RHBDL2: variants seen among roughly 807,000 people sequenced by gnomAD.
The protein encoded by RHBDL2 is rhomboid-related protein 2.
A neutral mutation model predicts 31.7 loss-of-function variants in RHBDL2; 26 were observed. The observed-to-expected ratio is 0.82, with a 90% CI of 0.60 to 1.14. RHBDL2 has a LOEUF of 1.14. Ranked by LOEUF, RHBDL2 falls within the 50% of genes most tolerant of loss-of-function variation. The pLI is 0.00. For missense variants in RHBDL2, 336 were observed against 364.4 expected (o/e 0.92, Z 0.63); for synonymous variants, 123 against 127.2 (o/e 0.97, Z 0.22).
At chr1:38,902,753 A>T (rs571086858) in intron 4 of RHBDL2, among the ~76,000 whole-genome samples, 1 of 151,692 alleles carries the variant, frequency 6.6e-6, no homozygotes, top group Non-Finnish European at 1.5e-5. Context: ...GGGTTTAACC[A>T]TGTTGCCCAG....
intron 4 of RHBDL2, among the ~76,000 whole-genome samples, chr1:38,910,670 A>G (rs1643126380): frequency 6.6e-6 from 1 of 152,050 alleles, no homozygotes. Flanking sequence ...CTGACATATA[A>G]GGGCCTCCAT....
chr1:38,896,165 A>AT, intron 4 of RHBDL2, 96 bp from the exon 5 acceptor site: 1 of 867,088 alleles, frequency 1.2e-6, no homozygotes, highest in South Asian at 1.6e-5. Context: ...AGTCTGGTCT[A>AT]TTATCACATT....
intron 6 of RHBDL2, among the ~76,000 whole-genome samples, chr1:38,888,919 C>T (rs1016927373): frequency 5.3e-5 from 8 of 152,132 alleles, no homozygotes; most frequent in African/African-American, 1.7e-4. Context: ...TTTGTTTTAA[C>T]AAGACCTCCA....
chr1:38,941,017 C>G (rs1643554621), intron 1 of RHBDL2, among the ~76,000 whole-genome samples: 1 of 152,204 alleles, frequency 6.6e-6, no homozygotes, highest in Non-Finnish European at 1.5e-5. Context: ...TGCCCACCAG[C>G]TTGTAGATGA....
intron 2 of RHBDL2, among the ~76,000 whole-genome samples, chr1:38,916,451 G>A (rs2124334012): frequency 6.6e-6 from 1 of 152,302 alleles, no homozygotes; most frequent in South Asian, 2.1e-4. Flanking sequence ...GTGGGTACCA[G>A]AGGAACAGAA....
At position 38,919,304 on chromosome 1, in the gene RHBDL2, T is replaced by G; in HGVS notation, c.-92A>C. The G allele has an allele frequency of 6.2e-7, 1 of 1,606,700 alleles. No individual in the cohort carries two copies. The highest frequency in any genetic ancestry group is 8.5e-7 in the Non-Finnish European group (1 of 1,178,234). ...CTCAGGCTGCCGCTCTTCCCTGGGC[T>G]GTCTGGCGCAACGACTGCTTTCCAA... is the stretch of plus-strand genomic sequence containing the variant. On this transcript the variant is annotated 5_prime_UTR_variant, in exon 2 of 8. Coordinates refer to ENST00000372990, the MANE Select transcript of RHBDL2 (RefSeq NM_017821.5).
chr1:38,919,019 C>T lies in RHBDL2; in HGVS notation c.194G>A (p.Arg65Lys), dbSNP rs1186650352. The part of the protein sequence containing the change: ...PEKSRGTYLE[R>K]ANCFPPPVFI... ...CACGGGAGGCGGGAAGCAGTTAGCT[C>T]TCTCCAAGTATGTTCCTCGGGACTT... is the stretch of plus-strand genomic sequence containing the variant. Residue 65 changes from arginine to lysine, a missense_variant, in exon 2 of 8, where the codon AGA becomes AAA. Arg to Lys is a conservative substitution (Grantham distance 26). Transcript: ENST00000372990. 1 of 1,614,052 alleles carries T rather than the reference C, an allele frequency of 6.2e-7. No individual in the cohort carries two copies. Among genetic ancestry groups the T allele is most frequent in the East Asian group, 2.2e-5 (1 of 44,900 alleles).
intron 4 of RHBDL2, among the ~76,000 whole-genome samples, chr1:38,901,490 A>AAGAG (rs1309067756): frequency 6.6e-6 from 1 of 151,138 alleles, no homozygotes; most frequent in Non-Finnish European, 1.5e-5. Context: ...GAAAGAAAGA[A>AAGAG]AGAAGGAAAG....
intron 1 of RHBDL2, among the ~76,000 whole-genome samples, chr1:38,937,621 T>C (rs1445458477): frequency 6.6e-6 from 1 of 152,180 alleles, no homozygotes; most frequent in African/African-American, 2.4e-5. Flanking sequence ...ACACCCTCAC[T>C]GGGCACACTC....
chr1:38,911,528 T>C, intron 3 of RHBDL2, 94 bp from the exon 4 acceptor site: 3 of 804,744 alleles, frequency 3.7e-6, no homozygotes, highest in Non-Finnish European at 4.2e-6. Context: ...TTTCTCTAGT[T>C]AAGGATTTGC....
rs1643274380 is a variant in RHBDL2, at chr1:38,918,992, A to C, written c.221T>G (p.Phe74Cys). The C allele has an allele frequency of 6.2e-7, 1 of 1,613,742 alleles. No homozygotes were observed. Among genetic ancestry groups the C allele is most frequent in the African/African-American group, 1.3e-5 (1 of 74,900 alleles). The change falls in exon 2 of 8, where the codon TTC becomes TGC. Residue 74 changes from phenylalanine to cysteine, a missense_variant. By Grantham distance (205) the Phe-to-Cys change is radical. Transcript: ENST00000372990. ...ERANCFPPPV[F>C]IISISLAELA... Reference sequence around the variant, plus strand: ...CTCGGCCAGGCTGATGGAGATGATGAACACGGGAGGCGGGAAGCAGTTAGC... The same window carrying C: ...CTCGGCCAGGCTGATGGAGATGATGCACACGGGAGGCGGGAAGCAGTTAGC...
chr1:38,926,996 A>T (rs7545590), intron 1 of RHBDL2: 145,726 of 152,382 alleles, frequency 0.96, 69,695 homozygotes, highest in African/African-American at 0.97. Flanking sequence ...TTATTTTTTT[A>T]AAAATGTTTT....
intron 4 of RHBDL2, among the ~76,000 whole-genome samples, chr1:38,902,200 T>TC (rs1643000029): frequency 8.1e-6 from 1 of 124,016 alleles, no homozygotes; most frequent in African/African-American, 2.7e-5. Flanking sequence ...TTTTTCTTTT[T>TC]CTTTTTTTTT....
At chr1:38,902,494 A>T (rs1230975545) in intron 4 of RHBDL2, among the ~76,000 whole-genome samples, 5 of 148,634 alleles carry the variant, frequency 3.4e-5, no homozygotes, top group Non-Finnish European at 5.9e-5. Context: ...ATCTCAGGTC[A>T]CTGTAACCTC....
intron 3 of RHBDL2, among the ~76,000 whole-genome samples, chr1:38,914,035 T>C (rs1218834818): frequency 1.3e-5 from 2 of 151,466 alleles, no homozygotes; most frequent in East Asian, 3.9e-4. Context: ...GAGAATGGCT[T>C]AAACCAGGGA....
Position 38,915,691 on chromosome 1 carries a change from T to C in RHBDL2, c.266A>G (p.Tyr89Cys), listed in dbSNP as rs765256108. 8.1e-6 allele frequency: 13 copies of C among 1,614,094 alleles called. No individual in the cohort carries two copies. Among genetic ancestry groups the C allele is most frequent in the Admixed American group, 1.7e-5 (1 of 60,002 alleles). The part of the protein sequence containing the change: ...SLAELAVFIY[Y>C]AVWKPQKQWI... ...CTGTTTCTGAGGCTTCCACACAGCA[T>C]AGTAAATAAACACTGCCAGCTGATG... Residue 89 changes from tyrosine (Y) to cysteine (C), a missense_variant, in exon 3 of 8, where the codon TAT (tyrosine) becomes TGT (cysteine). Transcript: ENST00000372990.
At chr1:38,889,147 G>T (rs575805818) in intron 6 of RHBDL2, among the ~76,000 whole-genome samples, 1 of 152,328 alleles carries the variant, frequency 6.6e-6, no homozygotes, top group African/African-American at 2.4e-5. Flanking sequence ...AGGCTGGAAT[G>T]CAGTAGTGCA....
At chr1:38,925,035 C>T (rs1297275919) in intron 1 of RHBDL2, among the ~76,000 whole-genome samples, 1 of 151,596 alleles carries the variant, frequency 6.6e-6, no homozygotes, top group Non-Finnish European at 1.5e-5. Context: ...TCCACCTAGG[C>T]CTCATAAAGT....
intron 1 of RHBDL2, among the ~76,000 whole-genome samples, chr1:38,935,417 C>T (rs141322323): frequency 0.01 from 1,583 of 152,320 alleles, 22 homozygotes; most frequent in African/African-American, 0.036. Context: ...TGTCTGAATT[C>T]AAATTCTGAT....
Sources: gnomAD v4.1 joint callset for allele counts (sites outside exome capture counted in the v4.1 genomes callset) on GRCh38, gnomAD v4.1.1 for gene constraint, MANE v1.5 for transcripts, NCBI Gene and HGNC (gene_info 2026-07-23, HGNC 2026-07-21) for gene names.